Variants in SHROOM4 observed in about 807,000 individuals in gnomAD.
The protein encoded by SHROOM4 is protein Shroom4.
SHROOM4 carries 17 observed loss-of-function variants against 80.3 expected under a neutral mutation model. The ratio of observed to expected loss-of-function variants is 0.21; its 90% CI spans 0.14 to 0.32. The LOEUF (loss-of-function observed/expected upper bound fraction) is 0.32, where lower values mean the gene tolerates loss of function less well. SHROOM4 is among the 10% of genes least tolerant of loss of function. The pLI, the probability that SHROOM4 is intolerant of heterozygous loss-of-function variation, is 1.00. For missense variants in SHROOM4, 993 were observed against 1,140.3 expected, an observed-to-expected ratio of 0.87 and a Z score of 1.86; for synonymous variants, 400 against 437.5, an observed-to-expected ratio of 0.91 and a Z score of 1.07.
chrX:50,760,340 T>TC (rs1935127357), intron 1 of SHROOM4, among the ~76,000 whole-genome samples: 1 of 106,334 alleles, frequency 9.4e-6, no homozygotes, highest in African/African-American at 3.4e-5. Flanking sequence ...AACTTTTTTT[T>TC]TTTTTTTTTA....
the SHROOM4 span, among the ~76,000 whole-genome samples, chrX:50,578,347 C>T: frequency 8.9e-6 from 1 of 112,426 alleles, no homozygotes; most frequent in Non-Finnish European, 1.9e-5. Flanking sequence ...CGCTCTGTTG[C>T]ACAGGCTAGA....
chrX:50,759,920 T>A (rs1293763554), intron 1 of SHROOM4, among the ~76,000 whole-genome samples: 1 of 112,038 alleles, frequency 8.9e-6, no homozygotes, highest in African/African-American at 3.2e-5. Flanking sequence ...GATCTGCAAA[T>A]TTACTGCATA....
At chrX:50,769,920 G>C (rs1034608645) in intron 1 of SHROOM4, among the ~76,000 whole-genome samples, 1 of 109,371 alleles carries the variant, frequency 9.1e-6, no homozygotes, top group African/African-American at 3.3e-5. Flanking sequence ...TGAACAGAAG[G>C]GCCCTTTTGA....
At chrX:50,797,663 T>C (rs782408636) in intron 1 of SHROOM4, among the ~76,000 whole-genome samples, 1 of 111,511 alleles carries the variant, frequency 9.0e-6, no homozygotes, top group Admixed American at 9.5e-5. Context: ...AAACAATAAT[T>C]GTATAGAGAA....
chrX:50,748,425 T>C (rs1370213855), intron 1 of SHROOM4, among the ~76,000 whole-genome samples: 1 of 111,982 alleles, frequency 8.9e-6, no homozygotes, highest in East Asian at 2.8e-4. Context: ...TACTGTTTTG[T>C]GTGGTTCCAA....
chrX:50,809,095 A>G (rs1557273223), intron 1 of SHROOM4, among the ~76,000 whole-genome samples: 1 of 111,201 alleles, frequency 9.0e-6, no homozygotes. Flanking sequence ...GAGGTAGTGG[A>G]CATCTTTGGT....
At chrX:50,664,676 T>G (rs1193834496) in intron 2 of SHROOM4, among the ~76,000 whole-genome samples, 1 of 112,185 alleles carries the variant, frequency 8.9e-6, no homozygotes, top group Admixed American at 9.5e-5. Context: ...TTGCATGTTT[T>G]CTTTTATTGG....
intron 2 of SHROOM4, among the ~76,000 whole-genome samples, chrX:50,690,534 ATTGT>A (rs1933192558): frequency 8.9e-6 from 1 of 112,456 alleles, no homozygotes; most frequent in Non-Finnish European, 1.9e-5. Context: ...CATTTTTATT[ATTGT>A]TTGTTAGTCT....
chrX:50,702,664 G>T (rs1208283856), intron 1 of SHROOM4, among the ~76,000 whole-genome samples: 3 of 111,840 alleles, frequency 2.7e-5, no homozygotes, highest in Non-Finnish European at 1.9e-5. Context: ...CATAATTTTT[G>T]GGGGGTGCTA....
chrX:50,581,936 T>C (rs1466017579), downstream of SHROOM4, among the ~76,000 whole-genome samples: 1 of 111,595 alleles, frequency 9.0e-6, no homozygotes, highest in African/African-American at 3.3e-5. Flanking sequence ...ACATATCTTA[T>C]ACCACTTTGC....
intron 1 of SHROOM4, among the ~76,000 whole-genome samples, chrX:50,783,729 C>T (rs1401789878): frequency 1.8e-5 from 2 of 111,273 alleles, no homozygotes; most frequent in African/African-American, 3.3e-5. Context: ...GCATGTACCA[C>T]CATGCACAGC....
chrX:50,645,290 C>T (rs1472767832), intron 2 of SHROOM4, among the ~76,000 whole-genome samples: 1 of 112,131 alleles, frequency 8.9e-6, no homozygotes, highest in Non-Finnish European at 1.9e-5. Context: ...AATCTCTTTT[C>T]ATTTCATTCC....
At chrX:50,620,602 C>T (rs190465586) in intron 5 of SHROOM4, among the ~76,000 whole-genome samples, 6 of 112,305 alleles carry the variant, frequency 5.3e-5, no homozygotes, top group Admixed American at 4.7e-4. Context: ...TCTAGGAAGA[C>T]TAAACCAATT....
At chrX:50,708,093 G>A (rs1327207681) in intron 1 of SHROOM4, among the ~76,000 whole-genome samples, 2 of 112,132 alleles carry the variant, frequency 1.8e-5, no homozygotes, top group African/African-American at 6.5e-5. Flanking sequence ...TGGCCCTGAA[G>A]CTGGGATTCT....
downstream of SHROOM4, among the ~76,000 whole-genome samples, chrX:50,582,042 G>A (rs1315293123): frequency 8.9e-6 from 1 of 111,942 alleles, no homozygotes; most frequent in Non-Finnish European, 1.9e-5. Context: ...GTGTAAGTGG[G>A]AAGTGTGGCT....
intron 8 of SHROOM4, among the ~76,000 whole-genome samples, chrX:50,597,315 G>C (rs1557246855): frequency 1.8e-5 from 2 of 112,102 alleles, no homozygotes. Flanking sequence ...TCACTGTGGA[G>C]GTGCTTTCTG....
At chrX:50,799,719 G>C (rs1213309748) in intron 1 of SHROOM4, among the ~76,000 whole-genome samples, 1 of 111,869 alleles carries the variant, frequency 8.9e-6, no homozygotes, top group Non-Finnish European at 1.9e-5. Flanking sequence ...TACACACACA[G>C]AGTGTGTTCA....
At position 50,633,101 on chromosome X, in the gene SHROOM4, A is replaced by G. The variant is rs781951715; in HGVS notation, c.2895+77T>C. ...AGTTTCAAGGAATTATAATTGTTAT[A>G]TTTTTAAATAATTTACGTAGCTTTC... On this transcript the variant is annotated intron_variant, in intron 4 of 8. Transcript: ENST00000376020. 62 of 934,065 alleles carry G rather than the reference A, an allele frequency of 6.6e-5. No homozygotes were observed. The African/African-American group carries it at 8.4e-4, about 13-fold the overall frequency. The allele number at this position is 934,065 out of a possible 1,213,427, so 77.0% of individuals were successfully genotyped here. A position where few individuals can be genotyped will look rare whatever the true frequency, so the allele number is the denominator to read the frequency against.
At chrX:50,642,838 A>G (rs1329067499) in intron 2 of SHROOM4, among the ~76,000 whole-genome samples, 1 of 111,991 alleles carries the variant, frequency 8.9e-6, no homozygotes, top group Non-Finnish European at 1.9e-5. Flanking sequence ...CCAAGAGCAC[A>G]TAGCTAATAA....
Sources: allele counts gnomAD v4.1 joint callset (sites outside exome capture counted in the v4.1 genomes callset), GRCh38; gene constraint gnomAD v4.1.1; transcripts MANE v1.5; gene names NCBI Gene and HGNC (gene_info 2026-07-23, HGNC 2026-07-21).